DOCK1: variants seen among roughly 807,000 people sequenced by gnomAD.
The protein encoded by DOCK1 is dedicator of cytokinesis protein 1.
In DOCK1, 138 loss-of-function variants were observed where a neutral mutation model predicts 262.7. That is an observed-to-expected ratio of 0.53 (90% CI 0.46 to 0.61). DOCK1 has a LOEUF of 0.61. Among genes scored for constraint, DOCK1 ranks in the 20% least tolerant of loss-of-function variants. DOCK1 has a pLI of 0.00. For missense variants in DOCK1, 1,908 were observed against 2,370.7 expected, an observed-to-expected ratio of 0.80 and a Z score of 4.05; for synonymous variants, 866 against 867.4, an observed-to-expected ratio of 1.00 and a Z score of 0.03.
chr10:127,080,140 G>C (rs2046817605), intron 23 of DOCK1, among the ~76,000 whole-genome samples: 1 of 152,046 alleles, frequency 6.6e-6, no homozygotes, highest in Admixed American at 6.5e-5. Context: ...GTCATTGATG[G>C]CATGCTCATA....
chr10:126,978,386 G>A (rs2038708119), intron 3 of DOCK1, among the ~76,000 whole-genome samples: 1 of 152,256 alleles, frequency 6.6e-6, no homozygotes, highest in Admixed American at 6.5e-5. Flanking sequence ...GCTCATGCAT[G>A]CTGTTTCCCT....
At chr10:127,400,288 A>G (rs2067145608) in intron 38 of DOCK1, among the ~76,000 whole-genome samples, 1 of 152,048 alleles carries the variant, frequency 6.6e-6, no homozygotes, top group Non-Finnish European at 1.5e-5. Context: ...GGTGGCTCTG[A>G]AGTGAGTGAG....
intron 29 of DOCK1, among the ~76,000 whole-genome samples, chr10:127,331,196 G>A (rs2062964137): frequency 6.6e-6 from 1 of 152,322 alleles, no homozygotes; most frequent in East Asian, 1.9e-4. Context: ...GGCTATTAAG[G>A]AAAGGGTATA....
In DOCK1 at chr10:127,345,426, T is replaced by C. The variant is rs560550669; in HGVS notation, c.3224+1680T>C. Among the ~76,000 whole-genome samples, 65 of 152,320 alleles carry C rather than the reference T, an allele frequency of 4.3e-4. 2 individuals are homozygous for C. Among genetic ancestry groups the C allele is most frequent in the African/African-American group, 1.5e-3 (64 of 41,580 alleles). The stretch of plus-strand genomic sequence containing the variant: ...CAAAGCAGCATTCTAATCTAGGCGA[T>C]TCAGGGCCCACGATTTTCACCTGGG... On this transcript the variant is annotated intron_variant, in intron 31 of 51. Coordinates refer to ENST00000623213, the MANE Select transcript of DOCK1 (RefSeq NM_001290223.2).
At chr10:127,439,584 C>T (rs1012539948) in intron 49 of DOCK1, among the ~76,000 whole-genome samples, 22 of 152,142 alleles carry the variant, frequency 1.4e-4, no homozygotes, top group African/African-American at 4.1e-4. Flanking sequence ...CCTTGGTGTC[C>T]GCTAATGCCT....
intron 30 of DOCK1, among the ~76,000 whole-genome samples, chr10:127,339,291 GAGAT>G (rs1448718593): frequency 2.0e-5 from 3 of 152,180 alleles, no homozygotes; most frequent in Non-Finnish European, 4.4e-5. Flanking sequence ...AGCAAGGAAA[GAGAT>G]AGAGTTGTTT....
intron 13 of DOCK1, among the ~76,000 whole-genome samples, chr10:127,022,168 C>T (rs977091906): frequency 1.1e-4 from 17 of 151,878 alleles, no homozygotes; most frequent in African/African-American, 3.9e-4. Context: ...AAGCCCATCT[C>T]ACTTTAAAAC....
intron 33 of DOCK1, among the ~76,000 whole-genome samples, chr10:127,366,737 G>C (rs1213595448): frequency 2.0e-5 from 3 of 152,190 alleles, no homozygotes; most frequent in Admixed American, 1.3e-4. Flanking sequence ...GGCCCCACCT[G>C]CTTCTCCATC....
intron 1 of DOCK1, among the ~76,000 whole-genome samples, 151 bp downstream of exon 1, chr10:126,905,714 T>TGCCCGGCGACCCCGGCC (rs2030618962): frequency 7.1e-6 from 1 of 141,456 alleles, no homozygotes; most frequent in Non-Finnish European, 1.6e-5. Context: ...CCGCTCGCAA[T>TGCCCGGCGACCCCGGCC]GCCCGGCGAC....
chr10:127,014,342 T>A (rs2041700575), intron 12 of DOCK1, among the ~76,000 whole-genome samples: 1 of 152,246 alleles, frequency 6.6e-6, no homozygotes, highest in Non-Finnish European at 1.5e-5. Context: ...CAACCCCAAA[T>A]GCACTTTTTT....
intron 29 of DOCK1, among the ~76,000 whole-genome samples, chr10:127,284,969 C>CA (rs56182315): frequency 8.7e-5 from 13 of 149,296 alleles, no homozygotes; most frequent in East Asian, 2.0e-4. Context: ...CTTGTCTCTA[C>CA]AAAAAAAAAA....
At position 127,226,650 on chromosome 10, in the gene DOCK1, A is replaced by G. The variant is rs184170648; in HGVS notation, c.2848-21358A>G. On this transcript the variant is annotated intron_variant, in intron 27 of 51. Transcript: ENST00000623213. ...TCCCAAGTACTCAGGAGGCTGAGGCAGGAGAATTGCTTGAACCCAGGAGGC... is the reference window on the plus strand; with the variant it reads ...TCCCAAGTACTCAGGAGGCTGAGGCGGGAGAATTGCTTGAACCCAGGAGGC... Among the ~76,000 whole-genome samples the G allele has an allele frequency of 2.2e-4, 34 of 152,250 alleles. No homozygotes were observed. In the East Asian group the frequency reaches 4.2e-3, roughly 19 times the overall value.
chr10:127,041,887 C>T (rs1464038298), intron 19 of DOCK1, among the ~76,000 whole-genome samples: 4 of 152,186 alleles, frequency 2.6e-5, no homozygotes, highest in Non-Finnish European at 5.9e-5. Context: ...ACCTTCTCTT[C>T]TAATACGAAT....
chr10:127,404,206 C>T (rs1259410449), intron 39 of DOCK1, 119 bp from the exon 40 acceptor site: 4 of 703,540 alleles, frequency 5.7e-6, no homozygotes, highest in Non-Finnish European at 9.7e-6. Context: ...CCTCTCCCAC[C>T]ATCTCCCCCT....
At chr10:127,443,288 A>C (rs1206131004) in intron 49 of DOCK1, among the ~76,000 whole-genome samples, 1 of 140,916 alleles carries the variant, frequency 7.1e-6, no homozygotes, top group Non-Finnish European at 1.6e-5. Context: ...TAGTCTTCTT[A>C]GAGGAAAGAA....
chr10:127,144,465 T>A (rs920163194), intron 27 of DOCK1, among the ~76,000 whole-genome samples: 1 of 152,184 alleles, frequency 6.6e-6, no homozygotes, highest in African/African-American at 2.4e-5. Context: ...TTGTCTGCAG[T>A]GCATTTAGCA....
rs1207325945 is a variant in DOCK1, at chr10:127,175,747, A to G, written c.2847+47983A>G. 6.2e-7 allele frequency: 1 copy of G among 1,613,814 alleles called. No homozygotes were observed. The highest frequency in any genetic ancestry group is 1.7e-5 in the Admixed American group (1 of 59,992). ...AGCAGCTGGTAATCGGGCTCTTCGG[A>G]TGGAGGCCGAGTGGAGTTTTGGAGC... On this transcript the variant is annotated intron_variant, in intron 27 of 51. Coordinates refer to ENST00000623213, the MANE Select transcript of DOCK1 (RefSeq NM_001290223.2). This position sits in a 1 kb window ranked among gnomAD's most constrained non-coding sequence, Gnocchi z 6.3.
chr10:127,141,990 T>C (rs2051307300), intron 27 of DOCK1, among the ~76,000 whole-genome samples: 2 of 152,342 alleles, frequency 1.3e-5, no homozygotes, highest in Non-Finnish European at 1.5e-5. Flanking sequence ...GATTCTACAG[T>C]AAGATCTTGG....
At chr10:126,953,646 A>G (rs2134438202) in intron 1 of DOCK1, among the ~76,000 whole-genome samples, 1 of 152,206 alleles carries the variant, frequency 6.6e-6, no homozygotes, top group African/African-American at 2.4e-5. Context: ...TTCGTGGCAT[A>G]GGCCTCCTGG....
Sources: allele counts gnomAD v4.1 joint callset (sites outside exome capture counted in the v4.1 genomes callset), GRCh38; gene constraint gnomAD v4.1.1; non-coding constraint Gnocchi (gnomAD v3.1); transcripts MANE v1.5; gene names NCBI Gene and HGNC (gene_info 2026-07-23, HGNC 2026-07-21).